Variants in SYT1 observed in about 807,000 individuals in gnomAD.
SYT1 encodes the protein synaptotagmin-1.
A neutral mutation model predicts 44.8 loss-of-function variants in SYT1; 8 were observed. That is an observed-to-expected ratio of 0.18 (90% CI 0.10 to 0.32). The LOEUF (loss-of-function observed/expected upper bound fraction) is 0.32. Ranked by LOEUF, SYT1 falls within the 10% of genes least tolerant of loss-of-function variation. SYT1 has a pLI of 1.00. For missense variants in SYT1, 286 were observed against 509.3 expected, an observed-to-expected ratio of 0.56 and a Z score of 4.22; for synonymous variants, 154 against 188.8, an observed-to-expected ratio of 0.82 and a Z score of 1.51.
intron 3 of SYT1, among the ~76,000 whole-genome samples, chr12:79,138,643 T>TTGTGTGTGTGTGCA (rs1555201227): frequency 1.6e-3 from 246 of 152,250 alleles, no homozygotes; most frequent in African/African-American, 5.7e-3. Flanking sequence ...TACATATTAT[T>TTGTGTGTGTGTGCA]TGTGTGTGTG....
chr12:79,234,644 A>G (rs1019566289), intron 4 of SYT1, among the ~76,000 whole-genome samples: 12 of 151,074 alleles, frequency 7.9e-5, no homozygotes, highest in African/African-American at 2.4e-4. Context: ...TTGCTTATCC[A>G]TGTATTTCTT....
rs199933980 is a variant in SYT1 at position 78,957,755 on chromosome 12, TA to T, written c.-216-20041del. ...TTAAGGTCCTGTGCACATTTTTTTTTAAACCTGGAGATCTTAATCTTGTAAG... is the reference window on the plus strand; with the variant it reads ...TTAAGGTCCTGTGCACATTTTTTTTTAACCTGGAGATCTTAATCTTGTAAG... On this transcript the variant is annotated intron_variant, in intron 1 of 10. Transcript: ENST00000261205. Among the ~76,000 whole-genome samples, 272 of 152,264 alleles carry T rather than the reference TA, an allele frequency of 1.8e-3. 2 individuals carry two copies. Among genetic ancestry groups the T allele is most frequent in the African/African-American group, 6.2e-3 (259 of 41,564 alleles).
intron 9 of SYT1, among the ~76,000 whole-genome samples, chr12:79,391,269 T>G (rs888380100): frequency 3.3e-5 from 5 of 152,324 alleles, no homozygotes; most frequent in African/African-American, 7.2e-5. Flanking sequence ...AGGGTGTATC[T>G]GAATATTAAA....
chr12:79,350,603 C>T (rs1044932000), intron 8 of SYT1, among the ~76,000 whole-genome samples: 1 of 152,140 alleles, frequency 6.6e-6, no homozygotes, highest in Non-Finnish European at 1.5e-5. Flanking sequence ...AGTCCCTCAT[C>T]CTCCCCAACA....
At chr12:79,295,989 A>G (rs1879855963) in intron 6 of SYT1, 80 bp from the exon 7 acceptor site, 1 of 1,425,504 alleles carries the variant, frequency 7.0e-7, no homozygotes, top group South Asian at 1.4e-5. Flanking sequence ...AAATCCCAAT[A>G]TGCAGCATTG....
intron 8 of SYT1, among the ~76,000 whole-genome samples, chr12:79,335,596 T>C (rs1478457578): frequency 1.3e-5 from 2 of 152,168 alleles, no homozygotes; most frequent in Admixed American, 6.5e-5. Flanking sequence ...ATAAATAATA[T>C]GTAACATTGA....
intron 3 of SYT1, among the ~76,000 whole-genome samples, chr12:79,194,629 G>C (rs1873334657): frequency 6.6e-6 from 1 of 151,928 alleles, no homozygotes; most frequent in South Asian, 2.1e-4. Flanking sequence ...GCTGGTCCAG[G>C]GGACCCACTT....
At chr12:79,026,702 T>A (rs180876009) in intron 2 of SYT1, among the ~76,000 whole-genome samples, 204 of 125,298 alleles carry the variant, frequency 1.6e-3, no homozygotes, top group African/African-American at 4.5e-3. Context: ...TATATATATA[T>A]CACACTTTCA....
chr12:79,238,691 T>A lies in SYT1; in HGVS notation c.166+21006T>A, dbSNP rs567018192. 7.2e-4 allele frequency among the ~76,000 whole-genome samples: 110 copies of A among 152,372 alleles called. 2 individuals carry two copies. In the South Asian group the frequency reaches 0.011, roughly 15 times the overall value. On this transcript the variant is annotated intron_variant, in intron 4 of 10. Transcript: ENST00000261205. ...TTACCAAAGGCAGAGCTAACTCTCC[T>A]GCCTACTTCCAAATGCTACCACATA...
intron 3 of SYT1, among the ~76,000 whole-genome samples, chr12:79,066,147 A>G (rs993388586): frequency 6.6e-6 from 1 of 152,124 alleles, no homozygotes; most frequent in Non-Finnish European, 1.5e-5. Context: ...AAATGCAGAG[A>G]CCACACATTT....
chr12:79,165,532 A>T (rs1871178651), intron 3 of SYT1, among the ~76,000 whole-genome samples: 1 of 151,936 alleles, frequency 6.6e-6, no homozygotes, highest in Non-Finnish European at 1.5e-5. Context: ...TGTTTCACTG[A>T]AAATTTATTC....
chr12:79,371,562 GA>G (rs1463771278), intron 9 of SYT1, among the ~76,000 whole-genome samples: 2 of 152,142 alleles, frequency 1.3e-5, no homozygotes, highest in Non-Finnish European at 2.9e-5. Context: ...ATTTCTGCTG[GA>G]AAATAATGTC....
chr12:79,110,839 G>A (rs1403298516), intron 3 of SYT1, among the ~76,000 whole-genome samples: 1 of 152,102 alleles, frequency 6.6e-6, no homozygotes, highest in Non-Finnish European at 1.5e-5. Flanking sequence ...ACGACCTGCA[G>A]TTATAATATG....
chr12:79,187,373 A>G (rs927432439), intron 3 of SYT1, among the ~76,000 whole-genome samples: 1 of 152,106 alleles, frequency 6.6e-6, no homozygotes, highest in African/African-American at 2.4e-5. Context: ...GGTATCGTCC[A>G]GAAAGCAACG....
chr12:79,421,894 T>C (rs1869145232), intron 9 of SYT1, among the ~76,000 whole-genome samples: 1 of 152,086 alleles, frequency 6.6e-6, no homozygotes, highest in African/African-American at 2.4e-5. Flanking sequence ...GGTTATTCTT[T>C]CTCTTTAGTG....
chr12:79,318,647 T>C (rs1032022995), intron 8 of SYT1, among the ~76,000 whole-genome samples: 1 of 152,212 alleles, frequency 6.6e-6, no homozygotes, highest in African/African-American at 2.4e-5. Context: ...GAGGTTGAGA[T>C]TTGCCACAAG....
chr12:79,145,744 T>G (rs1565825780), intron 3 of SYT1, among the ~76,000 whole-genome samples: 1,694 of 131,458 alleles, frequency 0.013, 42 homozygotes, highest in African/African-American at 0.047. Context: ...GTGGTTTTTT[T>G]TTTTTTTTGT....
chr12:78,992,535 T>A (rs2137490549), intron 2 of SYT1, among the ~76,000 whole-genome samples: 1 of 152,374 alleles, frequency 6.6e-6, no homozygotes, highest in Non-Finnish European at 1.5e-5. Flanking sequence ...TGAAACTTTG[T>A]ATATTTGTAC....
intron 3 of SYT1, among the ~76,000 whole-genome samples, chr12:79,120,087 C>T (rs1011217007): frequency 1.3e-5 from 2 of 152,132 alleles, no homozygotes; most frequent in East Asian, 3.9e-4. Context: ...CCTATCTGTT[C>T]TGCTGCTTGT....
Sources: allele counts gnomAD v4.1 joint callset (sites outside exome capture counted in the v4.1 genomes callset), GRCh38; gene constraint gnomAD v4.1.1; transcripts MANE v1.5; gene names NCBI Gene and HGNC (gene_info 2026-07-23, HGNC 2026-07-21).